ADCY8: variants seen among roughly 807,000 people sequenced by gnomAD.
ADCY8 encodes the protein adenylate cyclase 8, also known as adenylate cyclase type 8.
A neutral mutation model predicts 119.7 loss-of-function variants in ADCY8; 51 were observed. The ratio of observed to expected loss-of-function variants is 0.43; its 90% CI spans 0.34 to 0.54. The LOEUF (loss-of-function observed/expected upper bound fraction) is 0.54, where lower values mean the gene tolerates loss of function less well. Ranked by LOEUF, ADCY8 falls within the 20% of genes least tolerant of loss-of-function variation. The pLI, the probability that ADCY8 is intolerant of heterozygous loss-of-function variation, is 0.03. For synonymous variants in ADCY8, 665 were observed against 651.0 expected (o/e 1.02, Z -0.33); for missense variants, 1,383 against 1,598.8 (o/e 0.87, Z 2.30).
chr8:130,780,920 G>A (rs1469538497), intron 17 of ADCY8, 43 bp from the exon 18 acceptor site: 3 of 1,596,792 alleles, frequency 1.9e-6, no homozygotes, highest in Admixed American at 1.7e-5. Context: ...AGGGAGAAGG[G>A]GGACAATGGG....
intron 7 of ADCY8, among the ~76,000 whole-genome samples, chr8:130,888,206 A>G (rs115807853): frequency 0.096 from 14,474 of 151,526 alleles, 955 homozygotes; most frequent in Middle Eastern, 0.22. Flanking sequence ...TGACTATAAT[A>G]TAATATATAT....
At chr8:131,015,246 A>G (rs1823433968) in intron 1 of ADCY8, among the ~76,000 whole-genome samples, 1 of 152,214 alleles carries the variant, frequency 6.6e-6, no homozygotes, top group South Asian at 2.1e-4. Context: ...AGAAAAAATA[A>G]CATTTTATTT....
At chr8:131,019,797 TTCTCTC>T (rs61010907) in intron 1 of ADCY8, among the ~76,000 whole-genome samples, 5,616 of 104,442 alleles carry the variant, frequency 0.054, 157 homozygotes, top group South Asian at 0.074. Flanking sequence ...ATGGAACAAA[TTCTCTC>T]TCTCTCTCTC....
Position 130,992,382 on chromosome 8 carries a change from C to CATATATATATATATAT in ADCY8, c.961-1856_961-1841dup, listed in dbSNP as rs1161136558. Among the ~76,000 whole-genome samples the CATATATATATATATAT allele has an allele frequency of 4.6e-4, 36 of 78,078 alleles. 5 individuals carry two copies. The highest frequency in any genetic ancestry group is 9.6e-4 in the African/African-American group (18 of 18,756). 51.2% of individuals were successfully genotyped at this position (78,078 alleles called of 152,430 possible). ...TACATACATGAGCAACTGTATCTGG[C>CATATATATATATATAT]ATATATATATATATATATATATATA... On this transcript the variant is annotated intron_variant, in intron 1 of 17. Coordinates refer to ENST00000286355, the MANE Select transcript of ADCY8 (RefSeq NM_001115.3).
intron 5 of ADCY8, among the ~76,000 whole-genome samples, chr8:130,930,879 T>C (rs976184712): frequency 3.9e-5 from 6 of 152,180 alleles, no homozygotes; most frequent in African/African-American, 1.4e-4. Context: ...TCTGCTACTA[T>C]TTTTTAAAAT....
intron 8 of ADCY8, among the ~76,000 whole-genome samples, chr8:130,882,634 A>C (rs1321794695): frequency 6.6e-6 from 1 of 152,176 alleles, no homozygotes; most frequent in African/African-American, 2.4e-5. Context: ...GAAAAGCTTC[A>C]TAGTAGTTTC....
intron 12 of ADCY8, among the ~76,000 whole-genome samples, chr8:130,824,678 G>T (rs568285826): frequency 6.6e-6 from 1 of 152,332 alleles, no homozygotes; most frequent in South Asian, 2.1e-4. Context: ...TTTCCTGGTT[G>T]TTCATTCCTC....
chr8:130,901,416 T>G (rs1317092621), intron 7 of ADCY8, among the ~76,000 whole-genome samples: 1 of 152,182 alleles, frequency 6.6e-6, no homozygotes, highest in African/African-American at 2.4e-5. Flanking sequence ...AAGCACATAT[T>G]ATGAATGAAT....
chr8:130,931,108 C>T (rs920010628), intron 5 of ADCY8, among the ~76,000 whole-genome samples: 1 of 152,168 alleles, frequency 6.6e-6, no homozygotes, highest in African/African-American at 2.4e-5. Context: ...TTTAGCGTTT[C>T]TTATAAGACA....
chr8:130,967,035 C>A (rs1025492772), intron 2 of ADCY8, among the ~76,000 whole-genome samples: 2 of 152,076 alleles, frequency 1.3e-5, no homozygotes, highest in African/African-American at 2.4e-5. Context: ...GACAATTGTG[C>A]TACACAGTGA....
At chr8:130,887,572 C>T (rs1172635343) in intron 7 of ADCY8, among the ~76,000 whole-genome samples, 1 of 152,122 alleles carries the variant, frequency 6.6e-6, no homozygotes, top group Non-Finnish European at 1.5e-5. Context: ...ATTACAAATG[C>T]TGTTTGGCCA....
intron 2 of ADCY8, among the ~76,000 whole-genome samples, chr8:130,981,013 A>T (rs1238102419): frequency 6.6e-6 from 1 of 152,158 alleles, no homozygotes; most frequent in African/African-American, 2.4e-5. Context: ...ATCTTTCTTT[A>T]CCAAGAGGCA....
At chr8:130,891,585 T>C (rs1819189402) in intron 7 of ADCY8, among the ~76,000 whole-genome samples, 1 of 152,174 alleles carries the variant, frequency 6.6e-6, no homozygotes. Flanking sequence ...TTCAAGGTGA[T>C]CTAGTCTACA....
At chr8:131,014,129 T>C (rs1334927474) in intron 1 of ADCY8, among the ~76,000 whole-genome samples, 2 of 152,172 alleles carry the variant, frequency 1.3e-5, no homozygotes, top group Non-Finnish European at 2.9e-5. Context: ...GTATAGAGAA[T>C]AGAGTGGCTT....
chr8:130,957,542 T>G (rs1263533218), intron 2 of ADCY8, among the ~76,000 whole-genome samples: 9 of 152,184 alleles, frequency 5.9e-5, no homozygotes, highest in African/African-American at 1.7e-4. Context: ...TTTGCATAAG[T>G]AACGAGGAGC....
At chr8:130,847,543 A>C (rs1310801258) in intron 10 of ADCY8, 30 bp from the exon 11 acceptor site, 45 of 1,517,124 alleles carry the variant, frequency 3.0e-5, no homozygotes, top group Non-Finnish European at 4.1e-5. Flanking sequence ...AAAAAAGAAC[A>C]ACAAAAACAA....
intron 11 of ADCY8, among the ~76,000 whole-genome samples, chr8:130,844,968 C>T (rs915495863): frequency 1.3e-5 from 2 of 152,172 alleles, no homozygotes; most frequent in Non-Finnish European, 2.9e-5. Flanking sequence ...GCATTACATG[C>T]TCAAAGCCCT....
At chr8:130,907,203 A>G (rs1291763510) in intron 6 of ADCY8, among the ~76,000 whole-genome samples, 1 of 152,158 alleles carries the variant, frequency 6.6e-6, no homozygotes, top group Non-Finnish European at 1.5e-5. Context: ...AGAAAGCATC[A>G]TCTTGAGTTC....
At chr8:130,874,310 A>AAAATAAATAAATAAAT (rs142984550) in intron 8 of ADCY8, among the ~76,000 whole-genome samples, 1 of 147,898 alleles carries the variant, frequency 6.8e-6, no homozygotes, top group Non-Finnish European at 1.5e-5. Context: ...TCTGACTTAA[A>AAAATAAATAAATAAAT]AAATAAATAA....
Sources: allele counts gnomAD v4.1 joint callset (sites outside exome capture counted in the v4.1 genomes callset), GRCh38; gene constraint gnomAD v4.1.1; transcripts MANE v1.5; gene names NCBI Gene and HGNC (gene_info 2026-07-23, HGNC 2026-07-21).